Variants in ZFHX4 observed in about 807,000 individuals in gnomAD.
ZFHX4 encodes the protein zinc finger homeobox protein 4.
Under a neutral mutation model 267.6 loss-of-function variants are expected in ZFHX4, and 56 were observed. The ratio of observed to expected loss-of-function variants is 0.21; its 90% CI spans 0.17 to 0.26. The LOEUF is 0.26. ZFHX4 is among the 10% of genes least tolerant of loss of function. ZFHX4 has a pLI of 1.00. For missense variants in ZFHX4, 4,332 were observed against 4,420.0 expected (o/e 0.98, Z 0.56); for synonymous variants, 1,778 against 1,665.6 (o/e 1.07, Z -1.64).
intron 3 of ZFHX4, among the ~76,000 whole-genome samples, chr8:76,756,587 C>A (rs1252183523): frequency 6.6e-6 from 1 of 152,090 alleles, no homozygotes; most frequent in East Asian, 1.9e-4. Context: ...CATATACCAT[C>A]TATTACCATT....
intron 3 of ZFHX4, among the ~76,000 whole-genome samples, chr8:76,723,102 A>C (rs1401757613): frequency 2.0e-5 from 3 of 152,082 alleles, no homozygotes; most frequent in Non-Finnish European, 4.4e-5. Context: ...ACAGAAAAGG[A>C]ACTGTGTATT....
chr8:76,742,177 G>C (rs1809335557), intron 3 of ZFHX4, among the ~76,000 whole-genome samples: 1 of 152,160 alleles, frequency 6.6e-6, no homozygotes, highest in African/African-American at 2.4e-5. Flanking sequence ...CGTTTGGATG[G>C]TGTAGATATG....
chr8:76,745,386 T>C (rs1809432436), intron 3 of ZFHX4, among the ~76,000 whole-genome samples: 1 of 152,146 alleles, frequency 6.6e-6, no homozygotes, highest in African/African-American at 2.4e-5. Context: ...GTAGGTATAG[T>C]TTTTGTTATC....
At chr8:76,688,909 T>C (rs914845275) in intron 1 of ZFHX4, among the ~76,000 whole-genome samples, 1 of 152,148 alleles carries the variant, frequency 6.6e-6, no homozygotes, top group African/African-American at 2.4e-5. Context: ...AGTTTTGTTG[T>C]TGAGGTACTA....
intron 3 of ZFHX4, among the ~76,000 whole-genome samples, chr8:76,736,473 A>C (rs1200980401): frequency 6.6e-6 from 1 of 152,150 alleles, no homozygotes; most frequent in African/African-American, 2.4e-5. Context: ...GTGAAATATT[A>C]AACTGATATA....
chr8:76,727,530 T>C (rs1808884999), intron 3 of ZFHX4, among the ~76,000 whole-genome samples: 1 of 152,188 alleles, frequency 6.6e-6, no homozygotes, highest in Non-Finnish European at 1.5e-5. Context: ...TCATTATTCC[T>C]AAAATCTTCC....
intron 3 of ZFHX4, among the ~76,000 whole-genome samples, chr8:76,770,297 G>A (rs1247504072): frequency 6.6e-6 from 1 of 152,044 alleles, no homozygotes; most frequent in Non-Finnish European, 1.5e-5. Context: ...GTCAATGGTA[G>A]CATCCTTCAT....
In ZFHX4 at chr8:76,864,071, G is replaced by A. The variant is rs1812958563; in HGVS notation, c.10357G>A (p.Asp3453Asn). The change falls in exon 11 of 11, where the codon GAT becomes AAT. Residue 3453 changes from aspartate (D) to asparagine (N), a missense_variant. By Grantham distance (23) the Asp-to-Asn change is conservative. Coordinates refer to ENST00000651372, the MANE Select transcript of ZFHX4 (RefSeq NM_024721.5). ...PVSKYQCLAC[D>N]VAISGNEALS... ...CAGCAAATATCAGTGTCTTGCCTGTGATGTGGCTATCAGTGGGAATGAAGC... is the reference window on the plus strand; with the variant it reads ...CAGCAAATATCAGTGTCTTGCCTGTAATGTGGCTATCAGTGGGAATGAAGC... 1 of 1,613,742 alleles carries A rather than the reference G, an allele frequency of 6.2e-7. No individual in the cohort carries two copies.
intron 5 of ZFHX4, among the ~76,000 whole-genome samples, chr8:76,835,260 T>TATATGTATATATATGTG (rs1563549213): frequency 3.5e-5 from 5 of 143,538 alleles, no homozygotes; most frequent in Admixed American, 7.1e-5. Context: ...TATATATATA[T>TATATGTATATATATGTG]TCATACATAT....
rs917377844 is a variant in ZFHX4, at chr8:76,851,593, G to A, written c.4672G>A (p.Val1558Ile). ...ATTCACCCAAAAGAACATTCTCTTG[G>A]TCCACTATAATTCAGTTTCTCACTT... ...ESFTQKNILL[V>I]HYNSVSHLHK... Residue 1558 changes from valine (V) to isoleucine (I), a missense_variant, in exon 10 of 11, where the codon GTC (valine) becomes ATC (isoleucine). By Grantham distance (29) the Val-to-Ile change is conservative. Around this residue, in one of 7 missense-constraint regions of ZFHX4, gnomAD observed 1,371 missense variants for 1,423.1 expected, o/e 0.96. Coordinates refer to ENST00000651372, the MANE Select transcript of ZFHX4 (RefSeq NM_024721.5). 5 of 1,613,732 alleles carry A rather than the reference G, an allele frequency of 3.1e-6. No homozygotes were observed. The highest frequency in any genetic ancestry group is 4.2e-6 in the Non-Finnish European group (5 of 1,179,868).
At chr8:76,850,420 G>C (rs201770828) in intron 9 of ZFHX4, 58 bp downstream of exon 9, 104 of 1,360,944 alleles carry the variant, frequency 7.6e-5, no homozygotes, top group Admixed American at 1.1e-4. Context: ...TTGCATTTGT[G>C]GTGGTGCCCA....
At chr8:76,712,936 T>G (rs1055374783) in intron 3 of ZFHX4, among the ~76,000 whole-genome samples, 1 of 152,184 alleles carries the variant, frequency 6.6e-6, no homozygotes, top group Non-Finnish European at 1.5e-5. Flanking sequence ...AAACAGTTTC[T>G]CTAGTAGAAT....
At chr8:76,838,528 G>T (rs953666315) in intron 5 of ZFHX4, among the ~76,000 whole-genome samples, 1 of 152,146 alleles carries the variant, frequency 6.6e-6, no homozygotes, top group African/African-American at 2.4e-5. Context: ...TCATTAGGAG[G>T]ATAGATTTGA....
intron 1 of ZFHX4, among the ~76,000 whole-genome samples, chr8:76,703,271 A>G (rs1165653459): frequency 6.6e-6 from 1 of 152,190 alleles, no homozygotes; most frequent in Non-Finnish European, 1.5e-5. Context: ...GGTATTTGAA[A>G]TGGTGTTCAT....
intron 3 of ZFHX4, among the ~76,000 whole-genome samples, chr8:76,772,511 G>C (rs1810289907): frequency 6.6e-6 from 1 of 152,140 alleles, no homozygotes; most frequent in Admixed American, 6.6e-5. Context: ...CAGGGACTAA[G>C]AGGAGGGACA....
At chr8:76,710,778 A>G (rs1300828129) in intron 3 of ZFHX4, among the ~76,000 whole-genome samples, 2 of 152,110 alleles carry the variant, frequency 1.3e-5, no homozygotes, top group Non-Finnish European at 2.9e-5. Context: ...TACCTCTTGC[A>G]TTGTCAAACT....
At chr8:76,803,667 G>T (rs1050674001) in intron 4 of ZFHX4, among the ~76,000 whole-genome samples, 1 of 151,932 alleles carries the variant, frequency 6.6e-6, no homozygotes, top group Non-Finnish European at 1.5e-5. Context: ...TTTAGTTTGA[G>T]AAATATTTGA....
Position 76,865,882 on chromosome 8 carries a change from TG to T in ZFHX4, c.*1318del, listed in dbSNP as rs202064475. On this transcript the variant is annotated 3_prime_UTR_variant, in exon 11 of 11. Transcript: ENST00000651372. ...GTTACATACTTTTTTTAACCTGTTT[TG>T]TTTTATCATATATGCATTAAAAGTA... The T allele has an allele frequency of 7.2e-5, 11 of 152,576 alleles. No homozygotes were observed. The highest frequency in any genetic ancestry group is 2.2e-4 in the African/African-American group (9 of 41,438). 9.5% of individuals were successfully genotyped at this position (152,576 alleles called of 1,614,324 possible). A position where few individuals can be genotyped will look rare whatever the true frequency, so the allele number is the denominator to read the frequency against.
intron 3 of ZFHX4, among the ~76,000 whole-genome samples, chr8:76,722,078 A>G (rs866148101): frequency 6.6e-6 from 1 of 152,180 alleles, no homozygotes; most frequent in South Asian, 2.1e-4. Flanking sequence ...TCAAACAGTT[A>G]CTAATGTTTC....
Sources: allele counts gnomAD v4.1 joint callset (sites outside exome capture counted in the v4.1 genomes callset), GRCh38; gene constraint gnomAD v4.1.1; regional missense constraint gnomAD v4.1.1; transcripts MANE v1.5; gene names NCBI Gene and HGNC (gene_info 2026-07-23, HGNC 2026-07-21).